The following ANK2 variants were observed in gnomAD, a reference collection of about 807,000 sequenced individuals.
ANK2 encodes the protein ankyrin-2.
In ANK2, 83 loss-of-function variants were observed where a neutral mutation model predicts 360.5. That is an observed-to-expected ratio of 0.23 (90% confidence interval 0.19 to 0.28). The LOEUF is 0.28. Ranked by LOEUF, ANK2 falls within the 10% of genes least tolerant of loss-of-function variation. The pLI is 1.00. For synonymous variants in ANK2, 1,740 were observed against 1,759.5 expected (o/e 0.99, Z 0.28); for missense variants, 4,201 against 4,795.7 (o/e 0.88, Z 3.66).
intron 2 of ANK2, among the ~76,000 whole-genome samples, chr4:112,943,233 C>G (rs1561209486): frequency 6.6e-6 from 1 of 152,058 alleles, no homozygotes; most frequent in African/African-American, 2.4e-5. Context: ...ATCATAGATG[C>G]TAATGTCTCA....
intron 37 of ANK2, among the ~76,000 whole-genome samples, chr4:113,351,788 G>A (rs1238181687): frequency 6.6e-6 from 1 of 152,042 alleles, no homozygotes; most frequent in Non-Finnish European, 1.5e-5. Flanking sequence ...ATTTCTAGGT[G>A]TTTTGAGTGT....
Position 113,323,782 on chromosome 4 carries a change from G to A in ANK2, c.2900+5162G>A, listed in dbSNP as rs145471236. The stretch of plus-strand genomic sequence containing the variant: ...AGCCGCGCCTCTCCATGTCTTGAAC[G>A]TGACAACAGCAGGTGAACTACTGCA... On this transcript the variant is annotated intron_variant, in intron 26 of 45. Coordinates refer to ENST00000357077, the MANE Select transcript of ANK2 (RefSeq NM_001148.6). 8.1e-6 allele frequency: 13 copies of A among 1,611,264 alleles called. No homozygotes were observed. The highest frequency in any genetic ancestry group is 1.7e-4 in the Middle Eastern group (1 of 6,048).
chr4:113,125,419 T>C (rs937076755), intron 1 of ANK2, among the ~76,000 whole-genome samples: 7 of 152,102 alleles, frequency 4.6e-5, no homozygotes, highest in African/African-American at 1.7e-4. Flanking sequence ...GGATGTGAAA[T>C]CTAAGATTAT....
rs59674042 is a variant in ANK2 at position 112,935,843 on chromosome 4, A to AAAACAAAC, written c.21+31354_21+31361dup. 4.0e-4 allele frequency among the ~76,000 whole-genome samples: 61 copies of AAAACAAAC among 150,866 alleles called. 1 individual carries two copies. Among genetic ancestry groups the AAAACAAAC allele is most frequent in the African/African-American group, 1.1e-3 (47 of 41,002 alleles). ...GGGCAAAAGACTGAGACCTTGTCTCAAAACAAACAAACAAACAAACAAACA... is the reference window on the plus strand; with the variant it reads ...GGGCAAAAGACTGAGACCTTGTCTCAAAACAAACAAACAAACAAACAAACAAACAAACA... On this transcript the variant is annotated intron_variant, in intron 2 of 30. Transcript: ENST00000503271.
chr4:112,994,422 C>CA (rs749473799), intron 2 of ANK2, among the ~76,000 whole-genome samples: 1 of 152,210 alleles, frequency 6.6e-6, no homozygotes, highest in African/African-American at 2.4e-5. Flanking sequence ...TGATCTTTTA[C>CA]AAAATTCGAA....
At chr4:113,037,912 T>C (rs1366240188) in intron 2 of ANK2, among the ~76,000 whole-genome samples, 1 of 152,072 alleles carries the variant, frequency 6.6e-6, no homozygotes, top group Admixed American at 6.6e-5. Flanking sequence ...TAGCAGGTTG[T>C]TAACAAGTTA....
intron 10 of ANK2, among the ~76,000 whole-genome samples, chr4:113,255,036 T>C (rs29435): frequency 6.6e-6 from 1 of 152,234 alleles, no homozygotes; most frequent in Non-Finnish European, 1.5e-5. Context: ...TGCTTTCTTG[T>C]GTTCCTGCTG....
chr4:113,295,138 ATTCAT>A (rs1432675733), intron 22 of ANK2, among the ~76,000 whole-genome samples: 6 of 152,138 alleles, frequency 3.9e-5, no homozygotes, highest in Non-Finnish European at 1.5e-5. Context: ...CTTTGCTTCC[ATTCAT>A]TTCATTAACT....
chr4:112,833,574 G>C (rs1579298815), intron 1 of ANK2, among the ~76,000 whole-genome samples: 4 of 149,760 alleles, frequency 2.7e-5, no homozygotes, highest in Non-Finnish European at 5.9e-5. Context: ...CGCCATCTCT[G>C]CTCACTGCAA....
chr4:113,354,688 A>C lies in ANK2; in HGVS notation c.6070A>C (p.Lys2024Gln). 1.2e-6 allele frequency: 2 copies of C among 1,614,138 alleles called. No homozygotes were observed. The highest frequency in any genetic ancestry group is 1.7e-6 in the Non-Finnish European group (2 of 1,180,006). Residue 2024 changes from lysine (K) to glutamine (Q), a missense_variant, in exon 38 of 46, where the codon AAA (lysine) becomes CAA (glutamine). This residue lies in a region of ANK2 where 2,642 missense variants were observed against 2,714.5 expected (regional missense o/e 0.97). Transcript: ENST00000357077. ...AGCAAAACAAAAGCAGCCACAAGAGAAAGGTAAAGTTCGGGTAGAAAAAGA... is the reference window on the plus strand; with the variant it reads ...AGCAAAACAAAAGCAGCCACAAGAGCAAGGTAAAGTTCGGGTAGAAAAAGA... ...KSAKQKQPQE[K>Q]GKVRVEKEKG... is the part of the protein sequence containing the mutation.
intron 40 of ANK2, among the ~76,000 whole-genome samples, chr4:113,364,114 G>A (rs981545899): frequency 1.3e-5 from 2 of 152,098 alleles, no homozygotes; most frequent in Admixed American, 6.5e-5. Flanking sequence ...TTTTCACTTT[G>A]CAAAGATTTA....
Position 113,383,189 on chromosome 4 carries a change from G to A in ANK2, c.*1718G>A, listed in dbSNP as rs762914798. 3.3e-5 allele frequency: 5 copies of A among 152,526 alleles called. No homozygotes were observed. Among genetic ancestry groups the A allele is most frequent in the Admixed American group, 1.3e-4 (2 of 15,262 alleles). The allele number at this position is 152,526 out of a possible 1,614,324, so 9.4% of individuals were successfully genotyped here. On this transcript the variant is annotated 3_prime_UTR_variant, in exon 46 of 46. Transcript: ENST00000357077. ...TCCTGTTGTGCAAAAATGACTCATTGCTCCGAATGTCAAAAACAAATGCGA... is the reference window on the plus strand; with the variant it reads ...TCCTGTTGTGCAAAAATGACTCATTACTCCGAATGTCAAAAACAAATGCGA...
At chr4:112,913,875 T>C (rs1045531691) in intron 2 of ANK2, among the ~76,000 whole-genome samples, 1 of 152,220 alleles carries the variant, frequency 6.6e-6, no homozygotes, top group African/African-American at 2.4e-5. Flanking sequence ...TGAAATATTT[T>C]TTCTCTATAT....
At chr4:113,018,134 G>A (rs35052270) in intron 2 of ANK2, among the ~76,000 whole-genome samples, 2 of 152,070 alleles carry the variant, frequency 1.3e-5, no homozygotes, top group African/African-American at 4.8e-5. Context: ...AGTCAGTCTT[G>A]ATGTCTGTGT....
chr4:112,912,506 T>A (rs954460882), intron 2 of ANK2, among the ~76,000 whole-genome samples: 4 of 152,032 alleles, frequency 2.6e-5, no homozygotes, highest in African/African-American at 4.8e-5. Flanking sequence ...TATATTATGA[T>A]TTTCCTATCC....
chr4:112,974,789 G>C (rs1317167594), intron 2 of ANK2, among the ~76,000 whole-genome samples: 1 of 149,260 alleles, frequency 6.7e-6, no homozygotes, highest in Non-Finnish European at 1.5e-5. Context: ...TGTCTTCTCT[G>C]TTTTTTTTCC....
At chr4:113,218,384 T>G (rs1185875942) in intron 4 of ANK2, among the ~76,000 whole-genome samples, 1 of 151,858 alleles carries the variant, frequency 6.6e-6, no homozygotes, top group African/African-American at 2.4e-5. Context: ...TGTGTCAGAA[T>G]GCATGTTTTA....
intron 2 of ANK2, among the ~76,000 whole-genome samples, chr4:113,032,079 C>T (rs566490868): frequency 1.4e-4 from 22 of 152,132 alleles, no homozygotes; most frequent in South Asian, 4.1e-4. Context: ...TTGACAGGAA[C>T]GCTAATGCTA....
intron 2 of ANK2, among the ~76,000 whole-genome samples, chr4:112,958,411 G>A (rs2032354726): frequency 6.6e-6 from 1 of 152,210 alleles, no homozygotes; most frequent in Non-Finnish European, 1.5e-5. Context: ...GGCCAACACA[G>A]CGAAACCCCA....
Sources: gnomAD v4.1 joint callset for allele counts (sites outside exome capture counted in the v4.1 genomes callset) on GRCh38, gnomAD v4.1.1 for gene constraint, gnomAD v4.1.1 regional missense constraint, MANE v1.5 for transcripts, NCBI Gene and HGNC (gene_info 2026-07-23, HGNC 2026-07-21) for gene names.